ARHGAP44: variants seen among roughly 807,000 people sequenced by gnomAD.
ARHGAP44 encodes Rho GTPase activating protein 44, also known as rho GTPase-activating protein 44.
A neutral mutation model predicts 106.8 loss-of-function variants in ARHGAP44; 43 were observed. That is an observed-to-expected ratio of 0.40 (90% CI 0.32 to 0.52). The LOEUF (loss-of-function observed/expected upper bound fraction) is 0.52. Ranked by LOEUF, ARHGAP44 falls within the 20% of genes least tolerant of loss-of-function variation. The probability of loss-of-function intolerance (pLI) is 0.48; values close to 1 mark genes in which losing one functional copy is unlikely to be tolerated. For synonymous variants in ARHGAP44, 439 were observed against 410.3 expected, an observed-to-expected ratio of 1.07 and a Z score of -0.85; for missense variants, 866 against 1,050.5, an observed-to-expected ratio of 0.82 and a Z score of 2.43.
At chr17:12,932,142 C>T (rs1033198129) in intron 7 of ARHGAP44, among the ~76,000 whole-genome samples, 1 of 152,046 alleles carries the variant, frequency 6.6e-6, no homozygotes, top group Non-Finnish European at 1.5e-5. Flanking sequence ...TTTCAACCAG[C>T]AATATATAAA....
chr17:12,971,341 CCTT>C (rs1316997455), intron 16 of ARHGAP44, among the ~76,000 whole-genome samples: 1 of 152,046 alleles, frequency 6.6e-6, no homozygotes, highest in Non-Finnish European at 1.5e-5. Flanking sequence ...TTGGCCCAGA[CCTT>C]CTCACCAGGT....
intron 1 of ARHGAP44, among the ~76,000 whole-genome samples, chr17:12,891,624 A>T (rs2037047688): frequency 6.6e-6 from 1 of 152,184 alleles, no homozygotes; most frequent in Admixed American, 6.5e-5. Context: ...AGTTTTCAAC[A>T]TGTGAACTTT....
rs554361179 is a variant in ARHGAP44 at position 12,876,104 on chromosome 17, AC to A, written c.54-18831del. On this transcript the variant is annotated intron_variant, in intron 1 of 20. Transcript: ENST00000379672. Reference sequence around the variant, plus strand: ...GGATATTCAAAATCAACCAATCCATACCCCCACTCAGCTCTTTTTATCAGGC... The same window carrying A: ...GGATATTCAAAATCAACCAATCCATACCCCACTCAGCTCTTTTTATCAGGC... Among the ~76,000 whole-genome samples, 20 of 152,064 alleles carry A rather than the reference AC, an allele frequency of 1.3e-4. No individual in the cohort carries two copies. The East Asian group carries it at 3.9e-3, about 29-fold the overall frequency.
chr17:12,976,674 GGTTA>G (rs2039691435), intron 18 of ARHGAP44, among the ~76,000 whole-genome samples: 1 of 152,060 alleles, frequency 6.6e-6, no homozygotes, highest in South Asian at 2.1e-4. Flanking sequence ...AGGGACAGGG[GGTTA>G]GATAGTCTTA....
In ARHGAP44 at chr17:12,943,478, AC is replaced by A. The variant is rs760438377; in HGVS notation, c.652-109del. On this transcript the variant is annotated intron_variant, in intron 8 of 20. Transcript: ENST00000379672. ...GGTAGATTGGAGGAGGGAATGGGTG[AC>A]TACCTCCTTCCGCATGTGGAAGCAC... The A allele has an allele frequency of 2.7e-4, 247 of 901,738 alleles. 1 individual carries two copies. Among genetic ancestry groups the A allele is most frequent in the Non-Finnish European group, 3.8e-4 (208 of 553,864 alleles). 55.9% of individuals were successfully genotyped at this position (901,738 alleles called of 1,614,324 possible).
At chr17:12,854,907 G>A (rs1242945499) in intron 1 of ARHGAP44, among the ~76,000 whole-genome samples, 5 of 143,330 alleles carry the variant, frequency 3.5e-5, no homozygotes, top group African/African-American at 1.3e-4. Flanking sequence ...GCGGTGAGCC[G>A]AGATCATGCC....
chr17:12,958,043 A>G lies in ARHGAP44; in HGVS notation c.1343-674A>G, dbSNP rs2039171771. 6.6e-6 allele frequency among the ~76,000 whole-genome samples: 1 copy of G among 152,114 alleles called. No homozygotes were observed. Among genetic ancestry groups the G allele is most frequent in the Non-Finnish European group, 1.5e-5 (1 of 68,024 alleles). ...GGAAATCAAGATAAAGAAATAAAGG[A>G]GGTAGGAGTCAAGACAGTAATCCTA... On this transcript the variant is annotated intron_variant, in intron 15 of 20. Coordinates refer to ENST00000379672, the MANE Select transcript of ARHGAP44 (RefSeq NM_014859.6). This position sits in a 1 kb window ranked among gnomAD's most constrained non-coding sequence, Gnocchi z 4.1.
intron 10 of ARHGAP44, among the ~76,000 whole-genome samples, chr17:12,947,719 A>G (rs1695442113): frequency 6.6e-6 from 1 of 152,198 alleles, no homozygotes; most frequent in South Asian, 2.1e-4. Context: ...TTCCATCACC[A>G]AATCCTATTG....
chr17:12,792,504 C>T (rs967279465), intron 1 of ARHGAP44, among the ~76,000 whole-genome samples: 2 of 152,062 alleles, frequency 1.3e-5, no homozygotes, highest in African/African-American at 4.8e-5. Context: ...AGTATCTCCT[C>T]TATTATTGAG....
intron 8 of ARHGAP44, among the ~76,000 whole-genome samples, chr17:12,942,962 G>A (rs1335701206): frequency 2.0e-5 from 3 of 152,214 alleles, no homozygotes; most frequent in African/African-American, 7.2e-5. Flanking sequence ...CAAGTTTTCT[G>A]ATCAGTTATA....
intron 1 of ARHGAP44, among the ~76,000 whole-genome samples, chr17:12,892,037 G>A (rs1018155094): frequency 3.9e-5 from 6 of 152,158 alleles, no homozygotes; most frequent in South Asian, 4.1e-4. Context: ...TGATCCACCC[G>A]CCTTGGCATC....
chr17:12,958,741 A>G lies in ARHGAP44; in HGVS notation c.1367A>G (p.Asn456Ser), dbSNP rs765102419. The G allele has an allele frequency of 3.7e-6, 6 of 1,613,826 alleles. No individual in the cohort carries two copies. Among genetic ancestry groups the G allele is most frequent in the Non-Finnish European group, 5.1e-6 (6 of 1,179,880 alleles). The stretch of plus-strand genomic sequence containing the variant: ...GAGATAGAGTTCAACATTACTGGCA[A>G]TTATGGGAGTCCAGTACACGTGAAC... Reference protein sequence around the residue: ...PGEIEFNITGNYGSPVHVNHN... With the variant: ...PGEIEFNITGSYGSPVHVNHN... Residue 456 changes from asparagine (N) to serine (S), a missense_variant, in exon 16 of 21, where the codon AAT (asparagine) becomes AGT (serine). Asn to Ser is a conservative substitution (Grantham distance 46, BLOSUM62 1). Around this residue, in one of 2 missense-constraint regions of ARHGAP44, gnomAD observed 448 missense variants for 646.9 expected, o/e 0.69. Transcript: ENST00000379672. The surrounding 1 kb of genome is among the most constrained non-coding windows in gnomAD (Gnocchi z 4.1).
intron 1 of ARHGAP44, among the ~76,000 whole-genome samples, chr17:12,800,681 T>C (rs2034065863): frequency 6.6e-6 from 1 of 152,190 alleles, no homozygotes; most frequent in South Asian, 2.1e-4. Flanking sequence ...ATGTAGTTTA[T>C]AAGCATTATT....
chr17:12,834,932 C>G (rs1362225429), intron 1 of ARHGAP44, among the ~76,000 whole-genome samples: 3 of 152,130 alleles, frequency 2.0e-5, no homozygotes, highest in Non-Finnish European at 2.9e-5. Flanking sequence ...ACAGCTTACT[C>G]TAATCATTGC....
intron 7 of ARHGAP44, among the ~76,000 whole-genome samples, chr17:12,932,722 T>TC (rs1025245841): frequency 6.6e-6 from 1 of 151,930 alleles, no homozygotes; most frequent in African/African-American, 2.4e-5. Flanking sequence ...TTTTTTTTTT[T>TC]CCAGATAGAT....
intron 1 of ARHGAP44, among the ~76,000 whole-genome samples, chr17:12,867,114 A>G (rs1185486093): frequency 6.6e-6 from 1 of 151,328 alleles, no homozygotes; most frequent in Admixed American, 6.6e-5. Flanking sequence ...AGAAAGTGAG[A>G]GGAGAGATCT....
At chr17:12,977,775 C>T (rs1412894026) in intron 18 of ARHGAP44, among the ~76,000 whole-genome samples, 2 of 152,072 alleles carry the variant, frequency 1.3e-5, no homozygotes, top group African/African-American at 4.8e-5. Context: ...CGTGGTAGCT[C>T]ACGCCTGCAA....
At chr17:12,902,116 A>G (rs1465406993) in intron 3 of ARHGAP44, among the ~76,000 whole-genome samples, 1 of 152,160 alleles carries the variant, frequency 6.6e-6, no homozygotes, top group South Asian at 2.1e-4. Flanking sequence ...TTCCCTTTGT[A>G]GAATAAAATC....
intron 3 of ARHGAP44, among the ~76,000 whole-genome samples, chr17:12,897,279 A>G (rs140585848): frequency 4.4e-4 from 66 of 150,240 alleles, no homozygotes; most frequent in African/African-American, 1.6e-3. Context: ...TTTGACTTGC[A>G]GTTATTGCTG....
Sources: allele counts gnomAD v4.1 joint callset (sites outside exome capture counted in the v4.1 genomes callset), GRCh38; gene constraint gnomAD v4.1.1; regional missense constraint gnomAD v4.1.1; non-coding constraint Gnocchi (gnomAD v3.1); transcripts MANE v1.5; gene names NCBI Gene and HGNC (gene_info 2026-07-23, HGNC 2026-07-21).